CNTN5: variants seen among roughly 807,000 people sequenced by gnomAD.
The protein encoded by CNTN5 is contactin-5.
In CNTN5, 77 loss-of-function variants were observed where a neutral mutation model predicts 129.1. That is an observed-to-expected ratio of 0.60 (90% CI 0.50 to 0.72). The LOEUF (loss-of-function observed/expected upper bound fraction) is 0.72, where lower values mean the gene tolerates loss of function less well. Among genes scored for constraint, CNTN5 ranks in the 30% least tolerant of loss-of-function variants. The probability of loss-of-function intolerance (pLI) is 0.00; values close to 1 mark genes in which losing one functional copy is unlikely to be tolerated. For synonymous variants in CNTN5, 509 were observed against 465.6 expected (o/e 1.09, Z -1.20); for missense variants, 1,478 against 1,328.8 (o/e 1.11, Z -1.75).
chr11:99,492,449 C>G (rs150252491), intron 2 of CNTN5, among the ~76,000 whole-genome samples: 1 of 152,094 alleles, frequency 6.6e-6, no homozygotes, highest in Non-Finnish European at 1.5e-5. Context: ...TTCTTTGTAG[C>G]TTTTTGTGAT....
At chr11:99,428,338 T>C (rs1591039444) in intron 2 of CNTN5, among the ~76,000 whole-genome samples, 1 of 151,896 alleles carries the variant, frequency 6.6e-6, no homozygotes. Flanking sequence ...GGTGGGTGGA[T>C]CACTTGAGCT....
At chr11:100,029,764 A>T (rs12801376) in intron 9 of CNTN5, among the ~76,000 whole-genome samples, 6 of 152,152 alleles carry the variant, frequency 3.9e-5, no homozygotes, top group South Asian at 2.1e-4. Context: ...TGATTTTTTA[A>T]GTTAAAAAAT....
intron 3 of CNTN5, among the ~76,000 whole-genome samples, chr11:99,596,130 A>G (rs1415614596): frequency 1.3e-5 from 2 of 152,148 alleles, no homozygotes; most frequent in Non-Finnish European, 2.9e-5. Flanking sequence ...TCTAAATTAA[A>G]GCTTTTGCAG....
chr11:99,471,312 C>A (rs1045610554), intron 2 of CNTN5, among the ~76,000 whole-genome samples: 1 of 151,998 alleles, frequency 6.6e-6, no homozygotes, highest in Non-Finnish European at 1.5e-5. Flanking sequence ...ATCTTTATAT[C>A]TAGAACTTGG....
intron 2 of CNTN5, among the ~76,000 whole-genome samples, chr11:99,446,974 T>C (rs556700222): frequency 1.3e-5 from 2 of 152,198 alleles, no homozygotes; most frequent in Admixed American, 6.5e-5. Flanking sequence ...AGCTTTTTCA[T>C]GTTTTGAGGC....
intron 9 of CNTN5, among the ~76,000 whole-genome samples, chr11:100,053,674 A>G (rs763663064): frequency 1.3e-5 from 2 of 151,554 alleles, no homozygotes; most frequent in Admixed American, 1.3e-4. Flanking sequence ...AAGTACTTAT[A>G]CAGTTGAACA....
chr11:99,244,380 T>C (rs966482489), intron 1 of CNTN5, among the ~76,000 whole-genome samples: 8 of 152,128 alleles, frequency 5.3e-5, no homozygotes, highest in Non-Finnish European at 7.4e-5. Context: ...GGGTAAACTA[T>C]TTTCCTTTAT....
Position 100,193,515 on chromosome 11 carries a change from A to G in CNTN5, c.1736A>G (p.Lys579Arg), listed in dbSNP as rs1394316710. ...KEPTRIELTP[K>R]RTELTVGESI... ...CCTACAAGGATAGAACTTACTCCTAAAAGAACAGAATTGACAGTGGGAGAA... is the reference window on the plus strand; with the variant it reads ...CCTACAAGGATAGAACTTACTCCTAGAAGAACAGAATTGACAGTGGGAGAA... Residue 579 changes from lysine (K) to arginine (R), a missense_variant, in exon 15 of 25, where the codon AAA becomes AGA. Coordinates refer to ENST00000524871, the MANE Select transcript of CNTN5 (RefSeq NM_014361.4). 6.2e-7 allele frequency: 1 copy of G among 1,604,386 alleles called. No individual in the cohort carries two copies. The highest frequency in any genetic ancestry group is 1.3e-5 in the African/African-American group (1 of 74,518).
chr11:100,224,878 A>G (rs1372643861), intron 16 of CNTN5, 66 bp downstream of exon 16: 1 of 1,529,290 alleles, frequency 6.5e-7, no homozygotes, highest in Non-Finnish European at 9.0e-7. Context: ...AGGAATTTAA[A>G]TGCATGGACT....
At chr11:99,790,670 T>A (rs1451513469) in intron 3 of CNTN5, among the ~76,000 whole-genome samples, 2 of 152,070 alleles carry the variant, frequency 1.3e-5, no homozygotes, top group East Asian at 1.9e-4. Context: ...TGATTTAGAT[T>A]CCCTGGAGTA....
At chr11:99,899,380 T>C (rs1191771689) in intron 6 of CNTN5, among the ~76,000 whole-genome samples, 3 of 152,204 alleles carry the variant, frequency 2.0e-5, no homozygotes, top group Admixed American at 6.5e-5. Flanking sequence ...ATGGCTCTTA[T>C]TATTTTGAAG....
At chr11:99,712,576 T>C (rs1189197629) in intron 3 of CNTN5, among the ~76,000 whole-genome samples, 3 of 152,166 alleles carry the variant, frequency 2.0e-5, no homozygotes, top group Non-Finnish European at 4.4e-5. Flanking sequence ...TGAATGGTAT[T>C]GCCTAGGTTT....
intron 9 of CNTN5, among the ~76,000 whole-genome samples, chr11:100,034,874 A>G (rs1277939808): frequency 2.0e-5 from 3 of 151,776 alleles, no homozygotes; most frequent in South Asian, 2.1e-4. Flanking sequence ...TGATTTTTGT[A>G]GTACTTCATA....
At chr11:99,546,439 T>G (rs1390472332) in intron 2 of CNTN5, among the ~76,000 whole-genome samples, 1 of 152,112 alleles carries the variant, frequency 6.6e-6, no homozygotes, top group African/African-American at 2.4e-5. Context: ...ATATATCAAC[T>G]GAAGAATCAC....
chr11:99,637,777 TA>T (rs1269542022), intron 3 of CNTN5, among the ~76,000 whole-genome samples: 29 of 151,636 alleles, frequency 1.9e-4, no homozygotes, highest in African/African-American at 6.7e-4. Flanking sequence ...CTCTACTTAT[TA>T]CTTATATATA....
Position 100,340,677 on chromosome 11 carries a change from TCAGA to T in CNTN5, c.2917+31_2917+34del, listed in dbSNP as rs749138085. ...AAGTGACCTGGGCTTTTTGTTTGTT[TCAGA>T]CAAAGGGGAAACATCGTATAACATT... is the stretch of plus-strand genomic sequence containing the variant. On this transcript the variant is annotated intron_variant, in intron 22 of 24. Transcript: ENST00000524871. 2.5e-5 allele frequency: 39 copies of T among 1,561,744 alleles called. No homozygotes were observed. The South Asian group carries it at 4.4e-4, about 18-fold the overall frequency.
intron 1 of CNTN5, among the ~76,000 whole-genome samples, chr11:99,293,984 G>A (rs551915831): frequency 1.3e-5 from 2 of 149,804 alleles, no homozygotes. Context: ...TTTTTTTTTA[G>A]TTTTTTGATG....
At chr11:99,823,348 C>T (rs1236493243) in intron 4 of CNTN5, among the ~76,000 whole-genome samples, 2 of 152,058 alleles carry the variant, frequency 1.3e-5, no homozygotes, top group African/African-American at 4.8e-5. Context: ...TTGTGATTAT[C>T]TCAACAGGTT....
intron 2 of CNTN5, among the ~76,000 whole-genome samples, chr11:99,457,763 G>A (rs1209318552): frequency 2.2e-4 from 34 of 151,416 alleles, no homozygotes; most frequent in Admixed American, 2.2e-3. Flanking sequence ...TATGGCCAAT[G>A]GAATTCAAAT....
Sources: allele counts gnomAD v4.1 joint callset (sites outside exome capture counted in the v4.1 genomes callset), GRCh38; gene constraint gnomAD v4.1.1; transcripts MANE v1.5; gene names NCBI Gene and HGNC (gene_info 2026-07-23, HGNC 2026-07-21).